TG: variants seen among roughly 807,000 people sequenced by gnomAD.
The protein encoded by TG is thyroid hormones.
In TG, 270 loss-of-function variants were observed where a neutral mutation model predicts 324.7. The observed-to-expected ratio is 0.83, with a 90% CI of 0.75 to 0.92. The LOEUF is 0.92. Among genes scored for constraint, TG ranks in the 40% least tolerant of loss-of-function variants. The pLI, the probability that TG is intolerant of heterozygous loss-of-function variation, is 0.00. For missense variants in TG, 3,591 were observed against 3,456.4 expected (o/e 1.04, Z -0.98); for synonymous variants, 1,401 against 1,327.0 (o/e 1.06, Z -1.21).
chr8:133,016,300 T>C (rs1044656298), intron 37 of TG, among the ~76,000 whole-genome samples: 1 of 152,176 alleles, frequency 6.6e-6, no homozygotes, highest in African/African-American at 2.4e-5. Context: ...TTGTTGTATA[T>C]GTGTGGGAGC....
chr8:133,106,295 C>A, intron 43 of TG: 1 of 557,630 alleles, frequency 1.8e-6, no homozygotes, highest in Non-Finnish European at 2.3e-6. Context: ...GGAGGCAGGG[C>A]CAGGGGGAAG....
chr8:132,897,452 A>C (rs1817279874), intron 11 of TG, among the ~76,000 whole-genome samples, 197 bp from the exon 12 acceptor site: 1 of 152,204 alleles, frequency 6.6e-6, no homozygotes. Context: ...CCTAAGTGTT[A>C]TTCTTAAAGG....
At chr8:133,101,684 ATTGAATTCCTCCCCTCAGAAGGGC>A (rs1223933812) in intron 43 of TG, among the ~76,000 whole-genome samples, 1 of 152,202 alleles carries the variant, frequency 6.6e-6, no homozygotes, top group Non-Finnish European at 1.5e-5. Flanking sequence ...TAAAATACAA[ATTGAATTCCTCCCCTCAGAAGGGC>A]TTGCAGTCAG....
chr8:133,116,803 C>T, intron 45 of TG, 87 bp downstream of exon 45: 1 of 1,058,244 alleles, frequency 9.4e-7, no homozygotes, highest in South Asian at 1.3e-5. Flanking sequence ...CACTTAACCC[C>T]TCTAAGCCTC....
chr8:133,033,576 C>G (rs1161434499), intron 41 of TG, among the ~76,000 whole-genome samples: 1 of 152,212 alleles, frequency 6.6e-6, no homozygotes, highest in African/African-American at 2.4e-5. Flanking sequence ...GATTTTTACT[C>G]CATTCCTGCA....
chr8:133,043,344 C>G (rs183969113), intron 41 of TG, among the ~76,000 whole-genome samples: 3 of 152,170 alleles, frequency 2.0e-5, no homozygotes, highest in South Asian at 2.1e-4. Flanking sequence ...CTCCACACCC[C>G]CTCCGATGGT....
chr8:133,093,238 T>C (rs1001613933), intron 41 of TG, among the ~76,000 whole-genome samples: 5 of 152,132 alleles, frequency 3.3e-5, no homozygotes, highest in African/African-American at 1.2e-4. Flanking sequence ...AACTCAACAA[T>C]AGGCTAAATC....
chr8:133,044,585 G>A (rs1460085301), intron 41 of TG, among the ~76,000 whole-genome samples: 2 of 152,086 alleles, frequency 1.3e-5, no homozygotes, highest in African/African-American at 4.8e-5. Context: ...TCGCAGAGGC[G>A]TTTCATGTTG....
intron 35 of TG, among the ~76,000 whole-genome samples, chr8:132,992,025 G>A (rs1832405497): frequency 6.6e-6 from 1 of 152,130 alleles, no homozygotes; most frequent in Non-Finnish European, 1.5e-5. Context: ...AGGTGCAGGA[G>A]GGAGCCACTA....
chr8:132,883,333 C>T lies in TG; in HGVS notation c.1075+334C>T, dbSNP rs139984904. ...ATGGTGAGGTGGGCATTCGATCTTG[C>T]AGCAGGTATGGGAAGGAGGCATTTA... On this transcript the variant is annotated intron_variant, in intron 8 of 47. Transcript: ENST00000220616. The T allele has an allele frequency of 8.1e-5, 26 of 320,192 alleles. No individual in the cohort carries two copies. The East Asian group carries it at 1.9e-3, about 23-fold the overall frequency. 19.8% of individuals were successfully genotyped at this position (320,192 alleles called of 1,614,324 possible). A position where few individuals can be genotyped will look rare whatever the true frequency, so the allele number is the denominator to read the frequency against.
chr8:133,005,306 G>A (rs1564065313), intron 35 of TG, among the ~76,000 whole-genome samples: 1 of 152,152 alleles, frequency 6.6e-6, no homozygotes, highest in Non-Finnish European at 1.5e-5. Context: ...TGGGGCGAGG[G>A]GAGGAGGGGT....
chr8:133,050,890 C>T, intron 41 of TG: 3 of 1,613,512 alleles, frequency 1.9e-6, no homozygotes, highest in South Asian at 1.1e-5. Context: ...AGTCACTTAG[C>T]ACGGCAAGGA....
chr8:132,897,728 C>T lies in TG; in HGVS notation c.3081C>T (p.Tyr1027=), dbSNP rs751672678. Residue 1027 remains tyrosine (Y), a synonymous_variant, in exon 12 of 48, where the codon TAC becomes TAT. Transcript: ENST00000220616. ...GASALLRSGP[Y]MPQCDAFGSW... ...CCGCCCTTCTGCGGTCGGGCCCCTA[C>T]ATGCCACAGTGTGATGCGTTTGGAA... The T allele has an allele frequency of 3.3e-5, 54 of 1,614,106 alleles. No homozygotes were observed. The African/African-American group carries it at 4.1e-4, about 12-fold the overall frequency.
chr8:133,050,084 T>C lies in TG; in HGVS notation c.7239+20061T>C, dbSNP rs892385969. The C allele has an allele frequency of 8.3e-6, 7 of 844,560 alleles. No homozygotes were observed. The African/African-American group carries it at 1.2e-4, about 14-fold the overall frequency. 52.3% of individuals were successfully genotyped at this position (844,560 alleles called of 1,614,324 possible). Reference sequence around the variant, plus strand: ...TAATCAGATTTAACCCAGGACAGTTTGGAACATTCCTCTTTTAAGATCTGT... The same window carrying C: ...TAATCAGATTTAACCCAGGACAGTTCGGAACATTCCTCTTTTAAGATCTGT... On this transcript the variant is annotated intron_variant, in intron 41 of 47. Coordinates refer to ENST00000220616, the MANE Select transcript of TG (RefSeq NM_003235.5).
rs183707198 is a variant in TG at position 133,070,466 on chromosome 8, G to A, written c.7240-24578G>A. The stretch of plus-strand genomic sequence containing the variant: ...TTTAAAATACACGGACTCATTTGAT[G>A]CCCCCAAGAACATACTGTTTTATAG... On this transcript the variant is annotated intron_variant, in intron 41 of 47. Transcript: ENST00000220616. Among the ~76,000 whole-genome samples the A allele has an allele frequency of 3.3e-3, 506 of 152,298 alleles. 3 individuals carry two copies. Among genetic ancestry groups the A allele is most frequent in the African/African-American group, 0.012 (482 of 41,560 alleles).
intron 41 of TG, among the ~76,000 whole-genome samples, chr8:133,090,359 T>G (rs558501989): frequency 6.6e-6 from 1 of 152,330 alleles, no homozygotes; most frequent in South Asian, 2.1e-4. Flanking sequence ...AATTTCTCCC[T>G]GAAAAGACAT....
intron 37 of TG, among the ~76,000 whole-genome samples, chr8:133,017,016 C>T (rs1317412759): frequency 2.0e-5 from 3 of 152,168 alleles, no homozygotes; most frequent in Non-Finnish European, 4.4e-5. Flanking sequence ...AGCTGGGGCA[C>T]CCAGGGCAAC....
chr8:133,113,875 C>T (rs527968649), intron 44 of TG, among the ~76,000 whole-genome samples: 97 of 152,254 alleles, frequency 6.4e-4, no homozygotes, highest in South Asian at 3.9e-3. Flanking sequence ...AGGGAGCTGT[C>T]GGAGGGCAGA....
chr8:132,992,897 T>G (rs1832513368), intron 35 of TG, among the ~76,000 whole-genome samples: 1 of 152,184 alleles, frequency 6.6e-6, no homozygotes. Flanking sequence ...ACTTGTTGAG[T>G]GTTGCTTGCC....
Sources: gnomAD v4.1 joint callset for allele counts (sites outside exome capture counted in the v4.1 genomes callset) on GRCh38, gnomAD v4.1.1 for gene constraint, MANE v1.5 for transcripts, NCBI Gene and HGNC (gene_info 2026-07-23, HGNC 2026-07-21) for gene names.